CHD1L: variants seen among roughly 807,000 people sequenced by gnomAD.
CHD1L encodes the protein ATP-dependent chromatin remodeler CHD1L.
Under a neutral mutation model 115.9 loss-of-function variants are expected in CHD1L, and 118 were observed. That is an observed-to-expected ratio of 1.02 (90% CI 0.88 to 1.19). The LOEUF is 1.19. Among genes scored for constraint, CHD1L ranks in the 50% most tolerant of loss-of-function variants. The pLI, the probability that CHD1L is intolerant of heterozygous loss-of-function variation, is 0.00. For missense variants in CHD1L, 1,179 were observed against 1,065.3 expected, an observed-to-expected ratio of 1.11 and a Z score of -1.49; for synonymous variants, 411 against 387.1, an observed-to-expected ratio of 1.06 and a Z score of -0.72.
chr1:147,259,668 T>C, intron 5 of CHD1L, 169 bp from the exon 6 acceptor site: 1 of 565,310 alleles, frequency 1.8e-6, no homozygotes, highest in East Asian at 2.7e-5. Flanking sequence ...ATCCAGATAT[T>C]GTATTATGCA....
At chr1:147,262,825 C>CCT (rs1672438656) in intron 6 of CHD1L, among the ~76,000 whole-genome samples, 1 of 151,960 alleles carries the variant, frequency 6.6e-6, no homozygotes, top group South Asian at 2.1e-4. Context: ...ATGGCCCCCC[C>CCT]TCCAAATCAA....
At chr1:147,292,846 A>G (rs1306460048) in intron 20 of CHD1L, among the ~76,000 whole-genome samples, 2 of 152,214 alleles carry the variant, frequency 1.3e-5, no homozygotes, top group Non-Finnish European at 1.5e-5. Context: ...CCATGATCCA[A>G]TACCTCCCAC....
At chr1:147,290,252 CT>C (rs1408228660) in intron 19 of CHD1L, among the ~76,000 whole-genome samples, 1 of 151,904 alleles carries the variant, frequency 6.6e-6, no homozygotes. Context: ...CCCGGCCACT[CT>C]TTTGAATTTT....
the CHD1L span, chr1:147,208,444 C>CTTT: frequency 0.91 from 133,212 of 145,616 alleles, 61,076 homozygotes; most frequent in East Asian, 0.97. Context: ...CTTTTCTTTT[C>CTTT]TTTTTTTTTT....
the CHD1L span, among the ~76,000 whole-genome samples, chr1:147,205,734 T>C: frequency 6.6e-6 from 1 of 152,158 alleles, no homozygotes; most frequent in Admixed American, 6.5e-5. Flanking sequence ...TGAAACTTGA[T>C]CCCTTCCTTA....
chr1:147,187,531 G>A, the CHD1L span, among the ~76,000 whole-genome samples: 1 of 152,162 alleles, frequency 6.6e-6, no homozygotes, highest in Non-Finnish European at 1.5e-5. Context: ...GTTCTTGAAG[G>A]ATGTGAAAGA....
At chr1:147,250,166 C>T (rs970301689) in intron 1 of CHD1L, among the ~76,000 whole-genome samples, 4 of 152,048 alleles carry the variant, frequency 2.6e-5, no homozygotes, top group Non-Finnish European at 1.5e-5. Flanking sequence ...CTTGTTGAAG[C>T]ATTTTATCAT....
At chr1:147,218,754 T>C in the CHD1L span, among the ~76,000 whole-genome samples, 2 of 152,242 alleles carry the variant, frequency 1.3e-5, no homozygotes, top group Non-Finnish European at 2.9e-5. Context: ...AGTTATTAAA[T>C]TGTTCCTGAA....
At chr1:147,193,519 T>C in the CHD1L span, among the ~76,000 whole-genome samples, 8 of 152,166 alleles carry the variant, frequency 5.3e-5, no homozygotes, top group Non-Finnish European at 8.8e-5. Context: ...AGTTCTGCTC[T>C]GATTTTAGTT....
At position 147,295,737 on chromosome 1, in the gene CHD1L, C is replaced by A; in HGVS notation, c.*228C>A. ...CCCTTTGACCCCAGCTTGCTAGTTG[C>A]ATAATAATAAATTTTCTGTTCCTAA... is the stretch of plus-strand genomic sequence containing the variant. On this transcript the variant is annotated 3_prime_UTR_variant, in exon 23 of 23. Transcript: ENST00000369258. The A allele has an allele frequency of 1.9e-6, 1 of 515,088 alleles. No homozygotes were observed. The highest frequency in any genetic ancestry group is 3.0e-5 in the South Asian group (1 of 33,334). The allele number at this position is 515,088 out of a possible 1,614,324, so 31.9% of individuals were successfully genotyped here.
At chr1:147,225,185 G>T in the CHD1L span, 6 of 1,472,704 alleles carry the variant, frequency 4.1e-6, no homozygotes, top group East Asian at 2.4e-5. Flanking sequence ...GGACAGATTC[G>T]ACGGTCCTCT....
At chr1:147,245,017 T>C (rs1666139021) in intron 1 of CHD1L, among the ~76,000 whole-genome samples, 1 of 152,244 alleles carries the variant, frequency 6.6e-6, no homozygotes, top group South Asian at 2.1e-4. Context: ...GTTACCAATA[T>C]TGATGGACAT....
chr1:147,206,282 G>T, the CHD1L span, among the ~76,000 whole-genome samples: 1 of 151,996 alleles, frequency 6.6e-6, no homozygotes, highest in African/African-American at 2.4e-5. Context: ...TGCTGGAGAG[G>T]ATGTGGAGAA....
chr1:147,212,262 C>T, the CHD1L span: 1 of 891,676 alleles, frequency 1.1e-6, no homozygotes, highest in Non-Finnish European at 1.7e-6. Context: ...TGAAACGAAG[C>T]CCTATATTTG....
chr1:147,271,993 G>A (rs890001600), intron 11 of CHD1L, among the ~76,000 whole-genome samples, 178 bp from the exon 12 acceptor site: 20 of 152,192 alleles, frequency 1.3e-4, no homozygotes, highest in African/African-American at 4.8e-4. Context: ...GAGTTATTTT[G>A]TAAAATGATA....
At chr1:147,197,174 T>C in the CHD1L span, among the ~76,000 whole-genome samples, 1 of 152,174 alleles carries the variant, frequency 6.6e-6, no homozygotes, top group Non-Finnish European at 1.5e-5. Context: ...TTCCCAGAAC[T>C]CTATTTGTTC....
chr1:147,286,515 ATGGGC>A lies in CHD1L; in HGVS notation c.2221+20_2221+24del, dbSNP rs782721516. On this transcript the variant is annotated intron_variant, in intron 18 of 22. Coordinates refer to ENST00000369258, the MANE Select transcript of CHD1L (RefSeq NM_004284.6). ...GCACTGCGTAGGTACGAGAAGTGGT[ATGGGC>A]TGGGGATGGGGGCCTCAGTCCTTAT... The A allele has an allele frequency of 1.4e-5, 22 of 1,612,084 alleles. No individual in the cohort carries two copies. The highest frequency in any genetic ancestry group is 1.9e-4 in the Middle Eastern group (1 of 5,190).
chr1:147,264,304 C>G, intron 6 of CHD1L, 118 bp from the exon 7 acceptor site: 1 of 899,192 alleles, frequency 1.1e-6, no homozygotes. Context: ...GATTTCATGT[C>G]CCCTCAGTCA....
intron 15 of CHD1L, among the ~76,000 whole-genome samples, chr1:147,282,188 G>A (rs1428066053): frequency 6.6e-6 from 1 of 152,202 alleles, no homozygotes. Flanking sequence ...TGGTTGGTGA[G>A]TCAGCTTTTA....
Sources: gnomAD v4.1 joint callset for allele counts (sites outside exome capture counted in the v4.1 genomes callset) on GRCh38, gnomAD v4.1.1 for gene constraint, MANE v1.5 for transcripts, NCBI Gene and HGNC (gene_info 2026-07-23, HGNC 2026-07-21) for gene names.